PCDH9: variants seen among roughly 807,000 people sequenced by gnomAD.
The protein encoded by PCDH9 is protocadherin 9, also known as protocadherin-9.
PCDH9 carries 24 observed loss-of-function variants against 70.6 expected under a neutral mutation model. The observed-to-expected ratio is 0.34, with a 90% CI of 0.25 to 0.48. The LOEUF is 0.48. Among genes scored for constraint, PCDH9 ranks in the 20% least tolerant of loss-of-function variants. The pLI is 0.99. For missense variants in PCDH9, 1,281 were observed against 1,503.6 expected (o/e 0.85, Z 2.45); for synonymous variants, 562 against 558.5 (o/e 1.01, Z -0.09).
At chr13:67,192,524 A>C (rs551010675) in intron 2 of PCDH9, among the ~76,000 whole-genome samples, 1 of 152,286 alleles carries the variant, frequency 6.6e-6, no homozygotes, top group South Asian at 2.1e-4. Context: ...AAATCCTTTT[A>C]AGATAGTTGG....
At chr13:66,481,369 C>T (rs1475724462) in intron 4 of PCDH9, among the ~76,000 whole-genome samples, 1 of 151,376 alleles carries the variant, frequency 6.6e-6, no homozygotes, top group African/African-American at 2.4e-5. Flanking sequence ...GATGAGTCAG[C>T]AGCCATCAAC....
In PCDH9 at chr13:66,887,948, G is replaced by A. The variant is rs1386805089; in HGVS notation, c.3138+15556C>T. 2.6e-5 allele frequency among the ~76,000 whole-genome samples: 4 copies of A among 152,128 alleles called. No individual in the cohort carries two copies. In the South Asian group the frequency reaches 8.3e-4, roughly 31 times the overall value. ...CATATGTATAATGTGGATGATAAAG[G>A]TACATTGTTATATAGGTAGTTTTCT... On this transcript the variant is annotated intron_variant, in intron 3 of 4. Transcript: ENST00000377865.
At chr13:67,200,361 G>C (rs2089178918) in intron 2 of PCDH9, among the ~76,000 whole-genome samples, 1 of 151,934 alleles carries the variant, frequency 6.6e-6, no homozygotes, top group South Asian at 2.1e-4. Flanking sequence ...TATGGTAATA[G>C]CCAGGTGGTT....
At chr13:66,637,651 C>T (rs546609020) in intron 3 of PCDH9, among the ~76,000 whole-genome samples, 5 of 152,190 alleles carry the variant, frequency 3.3e-5, no homozygotes, top group East Asian at 3.9e-4. Flanking sequence ...CAGTGGCTGA[C>T]GCCTGTATTC....
intron 2 of PCDH9, among the ~76,000 whole-genome samples, chr13:67,191,908 G>C (rs1411435643): frequency 2.0e-5 from 3 of 151,860 alleles, no homozygotes; most frequent in Non-Finnish European, 4.4e-5. Context: ...TCCTAAACAA[G>C]CCACTTTAGT....
chr13:66,708,030 CT>C (rs2078735872), intron 3 of PCDH9, among the ~76,000 whole-genome samples: 1 of 151,840 alleles, frequency 6.6e-6, no homozygotes, highest in African/African-American at 2.4e-5. Flanking sequence ...ACAGATAACA[CT>C]TTTATTTTAT....
At chr13:66,865,890 G>C (rs532768284) in intron 3 of PCDH9, among the ~76,000 whole-genome samples, 2 of 152,310 alleles carry the variant, frequency 1.3e-5, no homozygotes, top group Non-Finnish European at 2.9e-5. Flanking sequence ...ATTTGAATGA[G>C]AAATGTATAT....
chr13:67,123,814 C>G (rs1480605092), intron 2 of PCDH9, among the ~76,000 whole-genome samples: 1 of 151,664 alleles, frequency 6.6e-6, no homozygotes, highest in Non-Finnish European at 1.5e-5. Flanking sequence ...TTTGTATTTT[C>G]CCTTTGTAAA....
At chr13:66,440,697 C>A (rs1446904219) in intron 4 of PCDH9, among the ~76,000 whole-genome samples, 2 of 152,004 alleles carry the variant, frequency 1.3e-5, no homozygotes, top group East Asian at 3.9e-4. Context: ...GAGTAATAAA[C>A]CCTGTTGCAT....
intron 4 of PCDH9, among the ~76,000 whole-genome samples, chr13:66,437,371 C>CT (rs1957889005): frequency 7.5e-6 from 1 of 133,800 alleles, no homozygotes; most frequent in Non-Finnish European, 1.5e-5. Flanking sequence ...CTCCACCGCA[C>CT]TCCAGCCTGG....
intron 4 of PCDH9, among the ~76,000 whole-genome samples, chr13:66,523,257 T>C (rs1180805284): frequency 6.6e-6 from 1 of 152,038 alleles, no homozygotes; most frequent in East Asian, 1.9e-4. Context: ...ACATAGAATT[T>C]ACACTATGCC....
chr13:66,417,393 T>A (rs1176052350), intron 4 of PCDH9, among the ~76,000 whole-genome samples: 3 of 152,214 alleles, frequency 2.0e-5, no homozygotes, highest in African/African-American at 4.8e-5. Flanking sequence ...TTCCATGGTG[T>A]ATATGTGCCA....
At chr13:66,371,854 T>G (rs1162271058) in intron 4 of PCDH9, among the ~76,000 whole-genome samples, 2 of 152,068 alleles carry the variant, frequency 1.3e-5, no homozygotes, top group African/African-American at 2.4e-5. Context: ...CTTTTTGGTT[T>G]GTTTGTTTCC....
At chr13:66,862,724 G>A (rs957258654) in intron 3 of PCDH9, among the ~76,000 whole-genome samples, 20 of 152,120 alleles carry the variant, frequency 1.3e-4, no homozygotes, top group African/African-American at 4.1e-4. Context: ...TCAGTTGAGG[G>A]TCCCCTTCTC....
intron 4 of PCDH9, among the ~76,000 whole-genome samples, chr13:66,575,729 C>T (rs1331345012): frequency 6.6e-6 from 1 of 152,114 alleles, no homozygotes; most frequent in African/African-American, 2.4e-5. Flanking sequence ...AACCATCTCC[C>T]TCCAACTATA....
chr13:66,442,067 TA>T (rs1352155704), intron 4 of PCDH9, among the ~76,000 whole-genome samples: 1 of 152,118 alleles, frequency 6.6e-6, no homozygotes, highest in African/African-American at 2.4e-5. Context: ...AGTTTACAGG[TA>T]ATGTTTCCAA....
At chr13:66,625,003 C>A (rs1323967694) in intron 4 of PCDH9, among the ~76,000 whole-genome samples, 1 of 152,128 alleles carries the variant, frequency 6.6e-6, no homozygotes, top group East Asian at 1.9e-4. Context: ...ATCACCCAAT[C>A]TCAACAGCTA....
intron 3 of PCDH9, among the ~76,000 whole-genome samples, chr13:66,845,709 T>A (rs1181393002): frequency 6.6e-6 from 1 of 152,172 alleles, no homozygotes; most frequent in Non-Finnish European, 1.5e-5. Flanking sequence ...GCAGCTGGCA[T>A]CACGGCAGTG....
intron 2 of PCDH9, among the ~76,000 whole-genome samples, chr13:66,976,121 A>C (rs1278740090): frequency 2.0e-5 from 3 of 152,216 alleles, no homozygotes; most frequent in East Asian, 3.9e-4. Flanking sequence ...TTTGAGGAAA[A>C]AAATACACAA....
Sources: allele counts gnomAD v4.1 joint callset (sites outside exome capture counted in the v4.1 genomes callset), GRCh38; gene constraint gnomAD v4.1.1; transcripts MANE v1.5; gene names NCBI Gene and HGNC (gene_info 2026-07-23, HGNC 2026-07-21).